Variants in MSRA observed in about 807,000 individuals in gnomAD.
The protein encoded by MSRA is mitochondrial peptide methionine sulfoxide reductase.
A neutral mutation model predicts 31.3 loss-of-function variants in MSRA; 54 were observed. That is an observed-to-expected ratio of 1.73 (90% CI 1.39 to 2.17). The LOEUF (loss-of-function observed/expected upper bound fraction) is 2.17, where lower values mean the gene tolerates loss of function less well. Among genes scored for constraint, MSRA ranks in the 30% most tolerant of loss-of-function variants. The pLI is 0.00. For synonymous variants in MSRA, 169 were observed against 116.5 expected (o/e 1.45, Z -2.90); for missense variants, 507 against 300.9 (o/e 1.69, Z -5.07).
intron 2 of MSRA, among the ~76,000 whole-genome samples, chr8:10,221,952 C>T (rs1277230008): frequency 6.6e-6 from 1 of 152,044 alleles, no homozygotes; most frequent in Non-Finnish European, 1.5e-5. Context: ...GGAGGAGCAG[C>T]TGAGGTCAGA....
intron 4 of MSRA, among the ~76,000 whole-genome samples, chr8:10,310,073 G>C (rs1186562245): frequency 6.6e-6 from 1 of 152,188 alleles, no homozygotes; most frequent in Admixed American, 6.5e-5. Context: ...ACTTCCTTGT[G>C]CTGACCCCTT....
At chr8:10,115,505 C>T (rs183351804) in intron 1 of MSRA, among the ~76,000 whole-genome samples, 30 of 152,314 alleles carry the variant, frequency 2.0e-4, no homozygotes, top group East Asian at 5.8e-4. Context: ...TCCAGAACTA[C>T]GAGAAAATCA....
intron 3 of MSRA, among the ~76,000 whole-genome samples, chr8:10,278,281 C>G (rs182257761): frequency 7.2e-4 from 109 of 152,250 alleles, no homozygotes; most frequent in African/African-American, 2.5e-3. Context: ...AATTCCTTTA[C>G]AACACAAGAG....
At chr8:10,151,261 C>CAAAAAAAAA (rs34388218) in intron 1 of MSRA, among the ~76,000 whole-genome samples, 1 of 109,146 alleles carries the variant, frequency 9.2e-6, no homozygotes, top group South Asian at 2.5e-4. Flanking sequence ...GAGTCTGTCT[C>CAAAAAAAAA]AAAAAAAAAA....
chr8:10,260,234 A>G (rs1347115152), intron 3 of MSRA, among the ~76,000 whole-genome samples: 1 of 152,190 alleles, frequency 6.6e-6, no homozygotes. Context: ...AGAATAAAAA[A>G]AGCTCCACTT....
intron 5 of MSRA, among the ~76,000 whole-genome samples, chr8:10,416,716 A>G (rs1808482360): frequency 1.3e-5 from 2 of 152,034 alleles, no homozygotes; most frequent in Non-Finnish European, 2.9e-5. Context: ...AGCTGCTTAC[A>G]CTCTAACCTC....
At chr8:10,095,043 A>G (rs1341870669) in intron 1 of MSRA, among the ~76,000 whole-genome samples, 1 of 152,352 alleles carries the variant, frequency 6.6e-6, no homozygotes, top group South Asian at 2.1e-4. Context: ...TTCATTCTCC[A>G]TAGGATAAAG....
intron 3 of MSRA, among the ~76,000 whole-genome samples, chr8:10,282,658 A>G (rs1053991253): frequency 1.3e-5 from 2 of 152,218 alleles, no homozygotes; most frequent in East Asian, 1.9e-4. Context: ...TGAGCTGAGC[A>G]TAAAGCAGGA....
intron 5 of MSRA, among the ~76,000 whole-genome samples, chr8:10,328,315 T>C (rs1351249853): frequency 1.5e-5 from 2 of 133,050 alleles, no homozygotes; most frequent in East Asian, 5.1e-4. Flanking sequence ...CTAAGCAAGA[T>C]CCTCAGAAGT....
intron 5 of MSRA, among the ~76,000 whole-genome samples, chr8:10,409,550 C>T (rs138172056): frequency 6.6e-6 from 1 of 152,176 alleles, no homozygotes; most frequent in Non-Finnish European, 1.5e-5. Context: ...CCCTTCTTAC[C>T]AAATGCAGCA....
At chr8:10,131,050 G>C (rs1801859268) in intron 1 of MSRA, among the ~76,000 whole-genome samples, 1 of 152,166 alleles carries the variant, frequency 6.6e-6, no homozygotes, top group South Asian at 2.1e-4. Context: ...AACTATAAAA[G>C]TTATCAGAAA....
chr8:10,294,884 GC>G (rs1370688063), intron 3 of MSRA, among the ~76,000 whole-genome samples: 7 of 152,128 alleles, frequency 4.6e-5, no homozygotes, highest in African/African-American at 9.7e-5. Context: ...GGGGGCGGGG[GC>G]TTTGTGCACA....
intron 2 of MSRA, among the ~76,000 whole-genome samples, chr8:10,224,242 T>C (rs1585209514): frequency 6.6e-6 from 1 of 152,092 alleles, no homozygotes; most frequent in East Asian, 1.9e-4. Flanking sequence ...ATTAAGAAAA[T>C]TACACTTTTT....
intron 1 of MSRA, among the ~76,000 whole-genome samples, chr8:10,076,044 G>A (rs1199763931): frequency 6.6e-6 from 1 of 152,196 alleles, no homozygotes; most frequent in African/African-American, 2.4e-5. Flanking sequence ...GAAAGCACAG[G>A]GACTTCACGT....
At chr8:10,403,803 T>G (rs984119317) in intron 5 of MSRA, among the ~76,000 whole-genome samples, 14 of 152,356 alleles carry the variant, frequency 9.2e-5, no homozygotes, top group Admixed American at 7.2e-4. Flanking sequence ...GAGTCCTGGC[T>G]CTGCATGCCC....
chr8:10,139,001 T>A (rs1802491967), intron 1 of MSRA, among the ~76,000 whole-genome samples: 1 of 152,224 alleles, frequency 6.6e-6, no homozygotes, highest in Non-Finnish European at 1.5e-5. Flanking sequence ...GACCTCTGTG[T>A]TGGGTGTTAC....
At chr8:10,413,333 A>AT (rs1026647019) in intron 5 of MSRA, among the ~76,000 whole-genome samples, 1 of 152,210 alleles carries the variant, frequency 6.6e-6, no homozygotes, top group Non-Finnish European at 1.5e-5. Context: ...CCACACTGAG[A>AT]CTTCAATGGC....
intron 5 of MSRA, among the ~76,000 whole-genome samples, chr8:10,383,483 T>C (rs956660651): frequency 3.9e-5 from 6 of 152,194 alleles, no homozygotes; most frequent in Admixed American, 1.3e-4. Context: ...TTCCTGCGGC[T>C]TAAAAGGTTG....
At chr8:10,198,084 C>G (rs1053582800) in intron 1 of MSRA, among the ~76,000 whole-genome samples, 2 of 152,060 alleles carry the variant, frequency 1.3e-5, no homozygotes, top group African/African-American at 4.8e-5. Flanking sequence ...CCGATAGGGG[C>G]TAACTTTCCT....
Sources: gnomAD v4.1 joint callset for allele counts (sites outside exome capture counted in the v4.1 genomes callset) on GRCh38, gnomAD v4.1.1 for gene constraint, MANE v1.5 for transcripts, NCBI Gene and HGNC (gene_info 2026-07-23, HGNC 2026-07-21) for gene names.